Variants in PCDHGA8 observed in about 807,000 individuals in gnomAD.
PCDHGA8 encodes the protein protocadherin gamma-A8.
Under a neutral mutation model 59.2 loss-of-function variants are expected in PCDHGA8, and 45 were observed. The ratio of observed to expected loss-of-function variants is 0.76; its 90% CI spans 0.60 to 0.98. The LOEUF (loss-of-function observed/expected upper bound fraction) is 0.98, where lower values mean the gene tolerates loss of function less well. Among genes scored for constraint, PCDHGA8 ranks in the 50% least tolerant of loss-of-function variants. The pLI is 0.00. For missense variants in PCDHGA8, 1,257 were observed against 1,196.2 expected (o/e 1.05, Z -0.75); for synonymous variants, 531 against 519.0 (o/e 1.02, Z -0.32).
At chr5:141,402,162 A>T (rs2150923142) in intron 1 of PCDHGA8, among the ~76,000 whole-genome samples, 1 of 152,306 alleles carries the variant, frequency 6.6e-6, no homozygotes, top group East Asian at 1.9e-4. Context: ...TTAGGCGAGA[A>T]CATCTGTAAC....
At chr5:141,484,383 A>C (rs968059260) in intron 1 of PCDHGA8, among the ~76,000 whole-genome samples, 1 of 152,194 alleles carries the variant, frequency 6.6e-6, no homozygotes, top group Non-Finnish European at 1.5e-5. Context: ...ATGTCTGAAT[A>C]AGAAAGGTTT....
At chr5:141,422,280 C>A in intron 1 of PCDHGA8, 1 of 1,557,754 alleles carries the variant, frequency 6.4e-7, no homozygotes, top group Non-Finnish European at 8.6e-7. Context: ...TAACTATCAC[C>A]TCTTCTATTA....
At chr5:141,418,817 G>A (rs2154547923) in intron 1 of PCDHGA8, 1 of 1,613,882 alleles carries the variant, frequency 6.2e-7, no homozygotes, top group Non-Finnish European at 8.5e-7. Flanking sequence ...GATAAACATA[G>A]AAGCAAAAGA....
intron 2 of PCDHGA8, among the ~76,000 whole-genome samples, chr5:141,495,685 T>TA (rs758775501): frequency 1.3e-5 from 2 of 152,210 alleles, no homozygotes; most frequent in African/African-American, 2.4e-5. Context: ...TGCCATGGCA[T>TA]AAGTGCTCAA....
intron 1 of PCDHGA8, chr5:141,416,346 T>A (rs2096017940): frequency 6.6e-6 from 1 of 152,238 alleles, no homozygotes; most frequent in African/African-American, 2.4e-5. Flanking sequence ...TCAATAGGGA[T>A]CCTGAGGAGG....
chr5:141,425,956 C>T (rs1221085532), intron 1 of PCDHGA8, among the ~76,000 whole-genome samples: 1 of 152,244 alleles, frequency 6.6e-6, no homozygotes, highest in Non-Finnish European at 1.5e-5. Flanking sequence ...ATACATTAGT[C>T]CAACACATCA....
intron 3 of PCDHGA8, among the ~76,000 whole-genome samples, chr5:141,510,415 C>G (rs2099881071): frequency 6.6e-6 from 1 of 152,082 alleles, no homozygotes; most frequent in Admixed American, 6.5e-5. Flanking sequence ...GCATGTAAAG[C>G]CATGGTTTCA....
intron 1 of PCDHGA8, chr5:141,413,618 A>G (rs1188549125): frequency 6.2e-7 from 1 of 1,613,916 alleles, no homozygotes; most frequent in Non-Finnish European, 8.5e-7. Context: ...AAAATTAATG[A>G]AAATGTCGCT....
At chr5:141,399,075 A>C (rs759361503) in intron 1 of PCDHGA8, 1 of 1,613,868 alleles carries the variant, frequency 6.2e-7, no homozygotes, top group Non-Finnish European at 8.5e-7. Flanking sequence ...TGGTTGTAGA[A>C]GGGAGGGATG....
At chr5:141,434,331 T>C (rs1271938024) in intron 1 of PCDHGA8, among the ~76,000 whole-genome samples, 3 of 152,186 alleles carry the variant, frequency 2.0e-5, no homozygotes, top group Non-Finnish European at 4.4e-5. Context: ...GCTTGTCTCT[T>C]TGTGTCGGGA....
chr5:141,463,535 G>A (rs1178825067), intron 1 of PCDHGA8, among the ~76,000 whole-genome samples: 4 of 137,928 alleles, frequency 2.9e-5, no homozygotes, highest in East Asian at 2.3e-4. Context: ...TAGAAACTCC[G>A]GCTCCCGGGT....
Position 141,487,106 on chromosome 5 carries a change from A to G in PCDHGA8, c.2425-7701A>G, listed in dbSNP as rs777727830. ...TGACCTCCCACCACAGAAGCTGGTC[A>G]TTGTGGTAAAGGATAGTGGTAGTCC... On this transcript the variant is annotated intron_variant, in intron 1 of 3. Transcript: ENST00000398604. The surrounding 1 kb of genome is among the most constrained non-coding windows in gnomAD (Gnocchi z 5.0). 1 of 1,613,902 alleles carries G rather than the reference A, an allele frequency of 6.2e-7. No individual in the cohort carries two copies. The highest frequency in any genetic ancestry group is 1.3e-5 in the African/African-American group (1 of 75,028).
chr5:141,419,138 A>C, intron 1 of PCDHGA8: 1 of 1,613,920 alleles, frequency 6.2e-7, no homozygotes, highest in Non-Finnish European at 8.5e-7. Context: ...AGCCACAGAC[A>C]GGGGCAAGCC....
At chr5:141,509,376 C>A (rs2099876528) in intron 3 of PCDHGA8, among the ~76,000 whole-genome samples, 1 of 152,122 alleles carries the variant, frequency 6.6e-6, no homozygotes, top group African/African-American at 2.4e-5. Flanking sequence ...TTAACTGTCT[C>A]CTAACCACAG....
chr5:141,400,657 T>G (rs2094057580), intron 1 of PCDHGA8: 1 of 1,081,498 alleles, frequency 9.2e-7, no homozygotes, highest in African/African-American at 1.6e-5. Context: ...TGTCCTACCA[T>G]TCTTTAAGAG....
chr5:141,397,168 T>C (rs997043690), intron 1 of PCDHGA8, among the ~76,000 whole-genome samples: 3 of 152,202 alleles, frequency 2.0e-5, no homozygotes, highest in Non-Finnish European at 4.4e-5. Context: ...CCAATAACTC[T>C]TAAGAATGAA....
chr5:141,415,147 C>A lies in PCDHGA8; in HGVS notation c.2424+19910C>A, dbSNP rs779194230. The A allele has an allele frequency of 9.9e-6, 16 of 1,613,668 alleles. No individual in the cohort carries two copies. Among genetic ancestry groups the A allele is most frequent in the African/African-American group, 1.3e-5 (1 of 74,952 alleles). On this transcript the variant is annotated intron_variant, in intron 1 of 3. Transcript: ENST00000398604. ...CGTCCAGGACCACGGCCAGCCCCCT[C>A]TCTCCGCCACTGTCACGCTCACCGT... is the stretch of plus-strand genomic sequence containing the variant.
intron 1 of PCDHGA8, chr5:141,423,665 G>A: frequency 6.6e-7 from 1 of 1,512,226 alleles, no homozygotes; most frequent in Non-Finnish European, 8.9e-7. Flanking sequence ...AATCAGGTGA[G>A]ATTTATTTCT....
At chr5:141,423,619 T>C (rs1389600826) in intron 1 of PCDHGA8, 1 of 1,608,090 alleles carries the variant, frequency 6.2e-7, no homozygotes. Context: ...AGCTGAAGAC[T>C]CAGCTATCAT....
Sources: gnomAD v4.1 joint callset for allele counts (sites outside exome capture counted in the v4.1 genomes callset) on GRCh38, gnomAD v4.1.1 for gene constraint, Gnocchi (gnomAD v3.1) non-coding constraint, MANE v1.5 for transcripts, NCBI Gene and HGNC (gene_info 2026-07-23, HGNC 2026-07-21) for gene names.